Variants in FRMPD1 observed in about 807,000 individuals in gnomAD.
FRMPD1 encodes FERM and PDZ domain-containing protein 1.
In FRMPD1, 76 loss-of-function variants were observed where a neutral mutation model predicts 117.8. That is an observed-to-expected ratio of 0.65 (90% CI 0.54 to 0.78). FRMPD1 has a LOEUF of 0.78. Among genes scored for constraint, FRMPD1 ranks in the 30% least tolerant of loss-of-function variants. The pLI is 0.00. For missense variants in FRMPD1, 1,786 were observed against 1,964.5 expected (o/e 0.91, Z 1.72); for synonymous variants, 783 against 770.4 (o/e 1.02, Z -0.27).
chr9:37,692,817 GC>G, intron 2 of FRMPD1, 75 bp downstream of exon 2: 1 of 1,046,958 alleles, frequency 9.6e-7, no homozygotes, highest in Non-Finnish European at 1.5e-6. Context: ...GCTGGTCCTG[GC>G]CGCACCTTGG....
chr9:37,708,050 G>A (rs537170811), intron 3 of FRMPD1, among the ~76,000 whole-genome samples: 85 of 152,332 alleles, frequency 5.6e-4, no homozygotes, highest in South Asian at 2.3e-3. Context: ...TCTGGGATTC[G>A]TTAAAATGTA....
upstream of FRMPD1, among the ~76,000 whole-genome samples, chr9:37,650,809 G>GGC (rs372671818): frequency 4.6e-3 from 697 of 150,072 alleles, 22 homozygotes; most frequent in East Asian, 0.089. Flanking sequence ...CAGCGGAGGC[G>GGC]GCGCGCGGGG....
the FRMPD1 span, among the ~76,000 whole-genome samples, chr9:37,606,374 T>C: frequency 6.6e-6 from 1 of 152,226 alleles, no homozygotes; most frequent in East Asian, 1.9e-4. Context: ...AAGTGATGTC[T>C]GATTTGCTTG....
chr9:37,639,261 G>A, the FRMPD1 span, among the ~76,000 whole-genome samples: 11 of 152,158 alleles, frequency 7.2e-5, no homozygotes, highest in Middle Eastern at 3.4e-3. Flanking sequence ...TTATCACAGC[G>A]ACTAACAAAA....
At chr9:37,664,017 T>A (rs530761678) in intron 1 of FRMPD1, among the ~76,000 whole-genome samples, 5 of 152,352 alleles carry the variant, frequency 3.3e-5, no homozygotes, top group Non-Finnish European at 5.9e-5. Context: ...AAGGGCTGAC[T>A]CTACTTCTGT....
Position 37,733,818 on chromosome 9 carries a change from C to T in FRMPD1, c.1211C>T (p.Thr404Ile), listed in dbSNP as rs1216186174. Residue 404 changes from threonine (T) to isoleucine (I), a missense_variant, in exon 12 of 16, where the codon ACT becomes ATT. Thr to Ile is a moderately conservative substitution (Grantham distance 89). Coordinates refer to ENST00000377765, the MANE Select transcript of FRMPD1 (RefSeq NM_014907.3). The part of the protein sequence containing the change: ...KTYGGRIFNA[T>I]LMLQDRESYI... Reference sequence around the variant, plus strand: ...TATGGTGGAAGAATCTTTAATGCTACTTTAATGGTATGTATTAGAGAACTG... The same window carrying T: ...TATGGTGGAAGAATCTTTAATGCTATTTTAATGGTATGTATTAGAGAACTG... 2 of 1,518,222 alleles carry T rather than the reference C, an allele frequency of 1.3e-6. No individual in the cohort carries two copies. Among genetic ancestry groups the T allele is most frequent in the Admixed American group, 1.7e-5 (1 of 59,882 alleles). The allele number at this position is 1,518,222 out of a possible 1,614,324, so 94.0% of individuals were successfully genotyped here.
chr9:37,615,274 A>AT, the FRMPD1 span, among the ~76,000 whole-genome samples: 11 of 151,684 alleles, frequency 7.3e-5, no homozygotes, highest in African/African-American at 2.4e-4. Context: ...TGCCTGGCTA[A>AT]TTTTTTTGTA....
intron 5 of FRMPD1, among the ~76,000 whole-genome samples, chr9:37,712,593 T>A (rs1178055323): frequency 2.0e-5 from 3 of 152,220 alleles, no homozygotes; most frequent in Non-Finnish European, 2.9e-5. Flanking sequence ...TGACCTCAGG[T>A]GATCCACCTG....
At chr9:37,621,079 A>G in the FRMPD1 span, among the ~76,000 whole-genome samples, 1 of 152,216 alleles carries the variant, frequency 6.6e-6, no homozygotes, top group African/African-American at 2.4e-5. Context: ...GAGAGGGAAG[A>G]AGGGAATAAG....
chr9:37,615,757 A>G, the FRMPD1 span, among the ~76,000 whole-genome samples: 2 of 152,128 alleles, frequency 1.3e-5, no homozygotes, highest in Admixed American at 1.3e-4. Flanking sequence ...CTCAGTGATA[A>G]TAACTCCTTC....
At chr9:37,635,695 T>C in the FRMPD1 span, among the ~76,000 whole-genome samples, 1 of 152,172 alleles carries the variant, frequency 6.6e-6, no homozygotes, top group Admixed American at 6.5e-5. Flanking sequence ...AGACTTGCTT[T>C]CCTGCAGGAA....
chr9:37,700,935 T>C (rs993758755), intron 2 of FRMPD1, among the ~76,000 whole-genome samples: 1 of 152,182 alleles, frequency 6.6e-6, no homozygotes, highest in Non-Finnish European at 1.5e-5. Flanking sequence ...GGAGGAAATG[T>C]TGTTACAGAG....
rs1824334168 is a variant in FRMPD1 at position 37,740,387 on chromosome 9, G to A, written c.1859G>A (p.Cys620Tyr). 1.2e-6 allele frequency: 2 copies of A among 1,613,904 alleles called. No individual in the cohort carries two copies. Among genetic ancestry groups the A allele is most frequent in the Non-Finnish European group, 1.7e-6 (2 of 1,179,970 alleles). Residue 620 changes from cysteine (C) to tyrosine (Y), a missense_variant, in exon 15 of 16, where the codon TGC (cysteine) becomes TAC (tyrosine). Cys to Tyr is a radical substitution (Grantham distance 194, BLOSUM62 -2). Transcript: ENST00000377765. This position sits in a 1 kb window ranked among gnomAD's most constrained non-coding sequence, Gnocchi z 4.2. The part of the protein sequence containing the change: ...DALEEDDLDT[C>Y]SSSRSTFFHF... ...CTGGAAGAGGATGACTTAGACACCT[G>A]CTCCTCCAGCAGGTCCACCTTCTTC... is the stretch of plus-strand genomic sequence containing the variant.
At chr9:37,679,083 A>G (rs1225971432) in intron 1 of FRMPD1, among the ~76,000 whole-genome samples, 1 of 151,946 alleles carries the variant, frequency 6.6e-6, no homozygotes. Context: ...CTTGCCATCT[A>G]CTGTGTGTTG....
chr9:37,686,982 A>G (rs1263590036), intron 1 of FRMPD1, among the ~76,000 whole-genome samples: 1 of 152,154 alleles, frequency 6.6e-6, no homozygotes, highest in Non-Finnish European at 1.5e-5. Context: ...TGGCTCTTAG[A>G]TCTAGTGGAG....
chr9:37,637,332 T>C, the FRMPD1 span: 19 of 986,948 alleles, frequency 1.9e-5, no homozygotes, highest in Non-Finnish European at 2.9e-5. Flanking sequence ...CCCAGTCGGC[T>C]CTGCTCCGCC....
the FRMPD1 span, chr9:37,637,157 T>C: frequency 6.2e-7 from 1 of 1,610,236 alleles, no homozygotes; most frequent in African/African-American, 1.3e-5. Flanking sequence ...GGTTTGGATC[T>C]TGAAGTCCAC....
At chr9:37,687,926 G>A (rs79546986) in intron 1 of FRMPD1, among the ~76,000 whole-genome samples, 6,082 of 152,126 alleles carry the variant, frequency 0.04, 455 homozygotes, top group East Asian at 0.36. Flanking sequence ...AATACAAAGT[G>A]CAGACTACTG....
chr9:37,680,451 A>G (rs1405438079), intron 1 of FRMPD1, among the ~76,000 whole-genome samples: 2 of 152,256 alleles, frequency 1.3e-5, no homozygotes, highest in Admixed American at 6.5e-5. Context: ...GTTGTCTAGG[A>G]TGAAGCTAAA....
Sources: gnomAD v4.1 joint callset for allele counts (sites outside exome capture counted in the v4.1 genomes callset) on GRCh38, gnomAD v4.1.1 for gene constraint, Gnocchi (gnomAD v3.1) non-coding constraint, MANE v1.5 for transcripts, NCBI Gene and HGNC (gene_info 2026-07-23, HGNC 2026-07-21) for gene names.